TNNI3K: variants seen among roughly 807,000 people sequenced by gnomAD.
TNNI3K encodes the protein serine/threonine-protein kinase TNNI3K.
In TNNI3K, 140 loss-of-function variants were observed where a neutral mutation model predicts 114.5. The observed-to-expected ratio is 1.22, with a 90% CI of 1.07 to 1.41. TNNI3K has a LOEUF of 1.41. Among genes scored for constraint, TNNI3K ranks in the 40% most tolerant of loss-of-function variants. The pLI, the probability that TNNI3K is intolerant of heterozygous loss-of-function variation, is 0.00. For missense variants in TNNI3K, 1,125 were observed against 1,007.6 expected (o/e 1.12, Z -1.58); for synonymous variants, 347 against 347.5 (o/e 1.00, Z 0.02).
intron 2 of TNNI3K, among the ~76,000 whole-genome samples, chr1:74,241,552 G>A (rs1225982683): frequency 6.6e-6 from 1 of 152,086 alleles, no homozygotes; most frequent in East Asian, 1.9e-4. Flanking sequence ...ATTTTTTCAT[G>A]TGTCTTTTGG....
intron 20 of TNNI3K, among the ~76,000 whole-genome samples, chr1:74,444,734 C>CA (rs963908416): frequency 2.1e-4 from 31 of 149,758 alleles, no homozygotes; most frequent in South Asian, 1.3e-3. Context: ...CAATCCTAAG[C>CA]AAAAAAAATA....
At chr1:74,271,287 C>G (rs1382233597) in intron 4 of TNNI3K, among the ~76,000 whole-genome samples, 2 of 151,826 alleles carry the variant, frequency 1.3e-5, no homozygotes, top group Non-Finnish European at 2.9e-5. Context: ...AAAGCATATT[C>G]ATTGGAGTAA....
intron 23 of TNNI3K, among the ~76,000 whole-genome samples, chr1:74,497,464 G>A (rs1669386421): frequency 2.0e-5 from 3 of 151,870 alleles, no homozygotes; most frequent in Non-Finnish European, 4.4e-5. Flanking sequence ...TCAGCACCTT[G>A]CTCATGACCA....
chr1:74,442,173 G>GT (rs906675884), intron 20 of TNNI3K, among the ~76,000 whole-genome samples: 23 of 150,908 alleles, frequency 1.5e-4, no homozygotes, highest in African/African-American at 4.1e-4. Flanking sequence ...TTATTCCTTT[G>GT]TTTTTTTTAA....
intron 24 of TNNI3K, among the ~76,000 whole-genome samples, chr1:74,541,063 GC>G (rs1325711238): frequency 1.3e-5 from 2 of 152,128 alleles, no homozygotes; most frequent in Admixed American, 6.6e-5. Context: ...AGCACAATGG[GC>G]CCATTTATCC....
chr1:74,502,705 C>T (rs1227989335), intron 23 of TNNI3K, among the ~76,000 whole-genome samples: 1 of 152,220 alleles, frequency 6.6e-6, no homozygotes, highest in Non-Finnish European at 1.5e-5. Context: ...AATTTCCCTT[C>T]TCACTCTAAC....
intron 5 of TNNI3K, among the ~76,000 whole-genome samples, chr1:74,278,191 C>A (rs914087202): frequency 6.6e-6 from 1 of 152,070 alleles, no homozygotes; most frequent in Non-Finnish European, 1.5e-5. Context: ...TTTACCTAAA[C>A]AGTAGCAAGT....
intron 5 of TNNI3K, among the ~76,000 whole-genome samples, chr1:74,314,045 TTA>T (rs201922658): frequency 3.6e-3 from 23 of 6,348 alleles, no homozygotes; most frequent in African/African-American, 4.7e-3. Context: ...AGAAAGTTCA[TTA>T]TATATATATA....
intron 21 of TNNI3K, chr1:74,470,105 G>C (rs1243113421): frequency 2.5e-6 from 1 of 400,506 alleles, no homozygotes; most frequent in African/African-American, 2.1e-5. Flanking sequence ...TGAATATTTT[G>C]AACTTCTCTA....
intron 5 of TNNI3K, among the ~76,000 whole-genome samples, chr1:74,302,329 A>T (rs1658376801): frequency 6.6e-6 from 1 of 152,208 alleles, no homozygotes; most frequent in Admixed American, 6.5e-5. Context: ...CTGAGACACA[A>T]TAATATTGCA....
At chr1:74,277,224 A>G (rs917747583) in intron 5 of TNNI3K, among the ~76,000 whole-genome samples, 1 of 152,124 alleles carries the variant, frequency 6.6e-6, no homozygotes. Flanking sequence ...TTAGTGAGGA[A>G]ACTGAGGACT....
chr1:74,378,614 A>AAATATT (rs1557531420), intron 17 of TNNI3K: 3 of 72,566 alleles, frequency 4.1e-5, no homozygotes, highest in Non-Finnish European at 8.4e-5. Context: ...ATATATATAT[A>AAATATT]TATATATATA....
At chr1:74,367,884 T>A in intron 12 of TNNI3K, 24 bp from the exon 13 acceptor site, 1 of 1,554,820 alleles carries the variant, frequency 6.4e-7, no homozygotes, top group Non-Finnish European at 8.6e-7. Context: ...TACTTTCAAC[T>A]CTATTATATA....
intron 23 of TNNI3K, among the ~76,000 whole-genome samples, chr1:74,494,773 A>G (rs940436786): frequency 4.6e-5 from 7 of 152,214 alleles, no homozygotes; most frequent in African/African-American, 1.7e-4. Flanking sequence ...TAAAATACTG[A>G]TAATAATACC....
At chr1:74,277,643 G>T (rs1363178450) in intron 5 of TNNI3K, among the ~76,000 whole-genome samples, 1 of 152,050 alleles carries the variant, frequency 6.6e-6, no homozygotes, top group Non-Finnish European at 1.5e-5. Flanking sequence ...TGTTACTCTG[G>T]TGTTACGTGC....
At chr1:74,329,822 C>T (rs926943117) in intron 5 of TNNI3K, among the ~76,000 whole-genome samples, 1 of 151,998 alleles carries the variant, frequency 6.6e-6, no homozygotes, top group Non-Finnish European at 1.5e-5. Context: ...TGTCCACAGT[C>T]CCTCCCTAGT....
chr1:74,353,907 G>T, intron 10 of TNNI3K, 73 bp from the exon 11 acceptor site: 1 of 1,530,636 alleles, frequency 6.5e-7, no homozygotes. Context: ...ATGTGGTGAT[G>T]ACTGTCTTTT....
chr1:74,493,921 A>C (rs1453816032), intron 23 of TNNI3K, among the ~76,000 whole-genome samples: 3 of 152,200 alleles, frequency 2.0e-5, no homozygotes, highest in Non-Finnish European at 2.9e-5. Context: ...AGTGGGAAGA[A>C]TTGCAAAGCC....
chr1:74,483,153 G>C (rs1668586564), intron 21 of TNNI3K: 1 of 624,614 alleles, frequency 1.6e-6, no homozygotes, highest in Admixed American at 2.4e-5. Context: ...ACTCATTAAA[G>C]GGTTACCTCT....
Sources: allele counts gnomAD v4.1 joint callset (sites outside exome capture counted in the v4.1 genomes callset), GRCh38; gene constraint gnomAD v4.1.1; transcripts MANE v1.5; gene names NCBI Gene and HGNC (gene_info 2026-07-23, HGNC 2026-07-21).